The following C15orf39 variants were observed in gnomAD, a reference collection of about 807,000 sequenced individuals.
The protein encoded by C15orf39 is uncharacterized protein C15orf39.
A neutral mutation model predicts 53.9 loss-of-function variants in C15orf39; 24 were observed. The ratio of observed to expected loss-of-function variants is 0.45; its 90% CI spans 0.32 to 0.63. The LOEUF is 0.63. C15orf39 is among the 20% of genes least tolerant of loss of function. C15orf39 has a pLI of 0.04. For missense variants in C15orf39, 1,271 were observed against 1,347.9 expected (o/e 0.94, Z 0.89); for synonymous variants, 569 against 576.5 (o/e 0.99, Z 0.19).
rs118078433 is a variant in C15orf39 at position 75,210,146 on chromosome 15, A to G, written c.2777-603A>G. ...GGTGCTCTGACTGGAGCTTGCAACAATCGGGGGGCCTGGGAAGCAAGTGAT... is the reference window on the plus strand; with the variant it reads ...GGTGCTCTGACTGGAGCTTGCAACAGTCGGGGGGCCTGGGAAGCAAGTGAT... On this transcript the variant is annotated intron_variant, in intron 2 of 2. Transcript: ENST00000394987. 3.9e-4 allele frequency among the ~76,000 whole-genome samples: 59 copies of G among 152,224 alleles called. 2 individuals are homozygous for G. The East Asian group carries it at 7.9e-3, about 20-fold the overall frequency.
intron 1 of C15orf39, among the ~76,000 whole-genome samples, chr15:75,204,148 A>G (rs1358287530): frequency 6.6e-6 from 1 of 152,238 alleles, no homozygotes; most frequent in Non-Finnish European, 1.5e-5. Flanking sequence ...CTTGCTTGCC[A>G]GTCACTGAAA....
In C15orf39 at chr15:75,208,459, C is replaced by T. The variant is rs778936459; in HGVS notation, c.2411C>T (p.Ala804Val). 9.4e-6 allele frequency: 15 copies of T among 1,602,294 alleles called. No individual in the cohort carries two copies. The highest frequency in any genetic ancestry group is 6.7e-5 in the East Asian group (3 of 44,660). Reference sequence around the variant, plus strand: ...ACGGCTGGGCCCTGGGGCCAGGCTGCGTGGCAGGACTGCCAGGGTGTGCAG... The same window carrying T: ...ACGGCTGGGCCCTGGGGCCAGGCTGTGTGGCAGGACTGCCAGGGTGTGCAG... ...LETAGPWGQA[A>V]WQDCQGVQGL... Residue 804 changes from alanine (A) to valine (V), a missense_variant, in exon 2 of 3, where the codon GCG (alanine) becomes GTG (valine). Physicochemically the swap from Ala to Val is moderately conservative, Grantham distance 64. Around this residue, in one of 2 missense-constraint regions of C15orf39, gnomAD observed 277 missense variants for 354.1 expected, o/e 0.78. Transcript: ENST00000394987.
Position 75,206,288 on chromosome 15 carries a change from C to T in C15orf39, c.240C>T (p.Pro80=), listed in dbSNP as rs201549769. The change falls in exon 2 of 3, where the codon CCC becomes CCT. Residue 80 remains proline, a synonymous_variant. Coordinates refer to ENST00000394987, the MANE Select transcript of C15orf39 (RefSeq NM_015492.5). The part of the protein sequence containing the change: ...PPLYSTGMAG[P]PLQADNLLTN... ...TGTACTCTACCGGTATGGCAGGACC[C>T]CCACTTCAGGCAGACAACCTGCTGA... is the stretch of plus-strand genomic sequence containing the variant. 3.8e-5 allele frequency: 62 copies of T among 1,614,062 alleles called. No homozygotes were observed. In the Middle Eastern group the frequency reaches 8.2e-4, roughly 21 times the overall value.
chr15:75,207,077 C>T lies in C15orf39; in HGVS notation c.1029C>T (p.Tyr343=), dbSNP rs2070445288. 3 of 1,611,950 alleles carry T rather than the reference C, an allele frequency of 1.9e-6. No homozygotes were observed. In the East Asian group the frequency reaches 6.7e-5, roughly 36 times the overall value. The change falls in exon 2 of 3, where the codon TAC becomes TAT. Residue 343 remains tyrosine, a synonymous_variant. Transcript: ENST00000394987. ...TTCCCCCACTGGGGCTGGACGCTTA[C>T]CCCTACCCCTCTGCCCCTCTCCCAG... is the stretch of plus-strand genomic sequence containing the variant. The part of the protein sequence containing the change: ...PYIPPLGLDA[Y]PYPSAPLPAP...
In C15orf39 at chr15:75,207,078, C is replaced by G; in HGVS notation, c.1030C>G (p.Pro344Ala). 1 of 1,612,148 alleles carries G rather than the reference C, an allele frequency of 6.2e-7. No individual in the cohort carries two copies. The highest frequency in any genetic ancestry group is 2.2e-5 in the East Asian group (1 of 44,880). Reference sequence around the variant, plus strand: ...TCCCCCACTGGGGCTGGACGCTTACCCCTACCCCTCTGCCCCTCTCCCAGC... The same window carrying G: ...TCCCCCACTGGGGCTGGACGCTTACGCCTACCCCTCTGCCCCTCTCCCAGC... ...YIPPLGLDAY[P>A]YPSAPLPAPS... The change falls in exon 2 of 3, where the codon CCC becomes GCC. Residue 344 changes from proline to alanine, a missense_variant. By Grantham distance (27) the Pro-to-Ala change is conservative (BLOSUM62 -1). This residue lies in a region of C15orf39 where 994 missense variants were observed against 993.7 expected (regional missense o/e 1.00). Transcript: ENST00000394987.
In C15orf39 at chr15:75,202,641, TC is replaced by T. The variant is rs550367767; in HGVS notation, c.-51+585del. 9.9e-5 allele frequency among the ~76,000 whole-genome samples: 15 copies of T among 152,264 alleles called. No individual in the cohort carries two copies. In the South Asian group the frequency reaches 3.1e-3, roughly 32 times the overall value. ...GCCGGGCCGCCCCTGTTCCGGGACC[TC>T]CCGCCGGTCCGCGGGCGTCGGTGTG... is the stretch of plus-strand genomic sequence containing the variant. On this transcript the variant is annotated intron_variant, in intron 1 of 2. Coordinates refer to ENST00000394987, the MANE Select transcript of C15orf39 (RefSeq NM_015492.5).
rs1235093629 is a variant in C15orf39, at chr15:75,211,487, T to C, written c.*371T>C. ...AACGCAACCTACCTCACAGGGTTGT[T>C]GTGGGGATGCTGCCTGATACATACC... On this transcript the variant is annotated 3_prime_UTR_variant, in exon 3 of 3. Coordinates refer to ENST00000394987, the MANE Select transcript of C15orf39 (RefSeq NM_015492.5). The C allele has an allele frequency of 4.7e-6, 1 of 213,072 alleles. No individual in the cohort carries two copies. The highest frequency in any genetic ancestry group is 2.3e-5 in the African/African-American group (1 of 43,604). The allele number at this position is 213,072 out of a possible 1,614,324, so 13.2% of individuals were successfully genotyped here.
In C15orf39 at chr15:75,210,913, G is replaced by A. The variant is rs2070478905; in HGVS notation, c.2941G>A (p.Gly981Arg). The A allele has an allele frequency of 6.2e-7, 1 of 1,613,588 alleles. No individual in the cohort carries two copies. Among genetic ancestry groups the A allele is most frequent in the Non-Finnish European group, 8.5e-7 (1 of 1,179,970 alleles). Residue 981 changes from glycine (G) to arginine (R), a missense_variant, in exon 3 of 3, where the codon GGG becomes AGG. By Grantham distance (125) the Gly-to-Arg change is moderately radical. This residue lies in a region of C15orf39 where 277 missense variants were observed against 354.1 expected (regional missense o/e 0.78). Transcript: ENST00000394987. ...CCCGGAGAAAGCAGAGGCAGCTGCT[G>A]GGGAAGAGTCCTGTGGTGCCTCCCC... The part of the protein sequence containing the change: ...PGPEKAEAAA[G>R]EESCGASPTP...
chr15:75,205,937 C>G, intron 1 of C15orf39, 62 bp from the exon 2 acceptor site: 1 of 1,115,040 alleles, frequency 9.0e-7, no homozygotes, highest in Non-Finnish European at 1.2e-6. Context: ...AGCAGCAGCC[C>G]TCTGTTGCTT....
chr15:75,210,987 C>A lies in C15orf39; in HGVS notation c.3015C>A (p.Arg1005=). The part of the protein sequence containing the change: ...ASPPGPTLKA[R]FRSLLETAWL... Reference sequence around the variant, plus strand: ...CACCTGGCCCCACACTGAAGGCCCGCTTCCGCAGTCTGCTGGAGACCGCCT... The same window carrying A: ...CACCTGGCCCCACACTGAAGGCCCGATTCCGCAGTCTGCTGGAGACCGCCT... Residue 1005 remains arginine, a synonymous_variant, in exon 3 of 3, where the codon CGC becomes CGA. Transcript: ENST00000394987. 1 of 1,613,090 alleles carries A rather than the reference C, an allele frequency of 6.2e-7. No individual in the cohort carries two copies. The highest frequency in any genetic ancestry group is 1.1e-5 in the South Asian group (1 of 91,088).
rs778567359 is a variant in C15orf39, at chr15:75,208,898, G to A, written c.2776+74G>A. The A allele has an allele frequency of 1.4e-5, 21 of 1,516,290 alleles. No homozygotes were observed. The African/African-American group carries it at 1.5e-4, about 11-fold the overall frequency. The allele number at this position is 1,516,290 out of a possible 1,614,324, so 93.9% of individuals were successfully genotyped here. On this transcript the variant is annotated intron_variant, in intron 2 of 2. Coordinates refer to ENST00000394987, the MANE Select transcript of C15orf39 (RefSeq NM_015492.5). ...ACAGGTGTGTGTGCTGTGTGAGTGC[G>A]TCACAGCTGGGGCTGAGTGATTCCA...
chr15:75,202,797 C>G (rs2070413600), intron 1 of C15orf39, among the ~76,000 whole-genome samples: 1 of 152,214 alleles, frequency 6.6e-6, no homozygotes, highest in South Asian at 2.1e-4. Flanking sequence ...GGTTTGCATG[C>G]GTGGCGGCGG....
intron 2 of C15orf39, among the ~76,000 whole-genome samples, chr15:75,210,301 C>T (rs1379038964): frequency 6.6e-6 from 1 of 152,204 alleles, no homozygotes; most frequent in Non-Finnish European, 1.5e-5. Context: ...GGGTGGGTTC[C>T]TGTGCTCCCC....
At chr15:75,204,489 TTTTTTTGTTTTG>T (rs1194999492) in intron 1 of C15orf39, among the ~76,000 whole-genome samples, 4 of 152,240 alleles carry the variant, frequency 2.6e-5, no homozygotes, top group Non-Finnish European at 4.4e-5. Flanking sequence ...TTCTTTTCTT[TTTTTTTGTTTTG>T]TTTTTTGTTT....
rs1270807804 is a variant in C15orf39 at position 75,210,929 on chromosome 15, G to A, written c.2957G>A (p.Gly986Asp). 1 of 1,613,360 alleles carries A rather than the reference G, an allele frequency of 6.2e-7. No homozygotes were observed. The highest frequency in any genetic ancestry group is 1.3e-5 in the African/African-American group (1 of 74,916). Residue 986 changes from glycine to aspartate, a missense_variant, in exon 3 of 3, where the codon GGT becomes GAT. Coordinates refer to ENST00000394987, the MANE Select transcript of C15orf39 (RefSeq NM_015492.5). Reference sequence around the variant, plus strand: ...GCAGCTGCTGGGGAAGAGTCCTGTGGTGCCTCCCCTACCCCTGCTACCAGT... The same window carrying A: ...GCAGCTGCTGGGGAAGAGTCCTGTGATGCCTCCCCTACCCCTGCTACCAGT... ...AEAAAGEESC[G>D]ASPTPATSAS...
chr15:75,206,806 T>A lies in C15orf39; in HGVS notation c.758T>A (p.Leu253Gln), dbSNP rs750322458. 3.3e-5 allele frequency: 53 copies of A among 1,607,398 alleles called. No homozygotes were observed. Among genetic ancestry groups the A allele is most frequent in the Non-Finnish European group, 4.4e-5 (52 of 1,176,988 alleles). Residue 253 changes from leucine (L) to glutamine (Q), a missense_variant, in exon 2 of 3, where the codon CTG becomes CAG. By Grantham distance (113) the Leu-to-Gln change is moderately radical. Transcript: ENST00000394987. ...GGGCCCTCAAGTCCTTGGACCCAGC[T>A]GGCCCAGCCCCTGGGGCCACCCTGT... ...SEGPSSPWTQ[L>Q]AQPLGPPCQD...
Position 75,211,028 on chromosome 15 carries a change from C to G in C15orf39, c.3056C>G (p.Ala1019Gly), listed in dbSNP as rs1248896029. The G allele has an allele frequency of 1.2e-6, 2 of 1,609,538 alleles. No homozygotes were observed. The highest frequency in any genetic ancestry group is 3.3e-5 in the Admixed American group (2 of 60,028). ...GAGACCGCCTGGCTCAATGGCCTGG[C>G]TCTGCCCACCTGGGGCCACAAGTCC... Reference protein sequence around the residue: ...LLETAWLNGLALPTWGHKSSR... With the variant: ...LLETAWLNGLGLPTWGHKSSR... The change falls in exon 3 of 3, where the codon GCT becomes GGT. Residue 1019 changes from alanine to glycine, a missense_variant. By Grantham distance (60) the Ala-to-Gly change is moderately conservative (BLOSUM62 0). This residue lies in a region of C15orf39 where 277 missense variants were observed against 354.1 expected (regional missense o/e 0.78). Coordinates refer to ENST00000394987, the MANE Select transcript of C15orf39 (RefSeq NM_015492.5).
At chr15:75,208,900 C>T (rs776923422) in intron 2 of C15orf39, 76 bp downstream of exon 2, 138 of 1,515,086 alleles carry the variant, frequency 9.1e-5, no homozygotes, top group Admixed American at 2.7e-4. Flanking sequence ...GTGAGTGCGT[C>T]ACAGCTGGGG....
Position 75,208,379 on chromosome 15 carries a change from T to C in C15orf39, c.2331T>C (p.Ala777=). ...GACTACATGCGTCCCTGTGTGATGCTATTTCTGGCTCCGTCGCCCACTCTC... is the reference window on the plus strand; with the variant it reads ...GACTACATGCGTCCCTGTGTGATGCCATTTCTGGCTCCGTCGCCCACTCTC... The part of the protein sequence containing the change: ...FTGLHASLCD[A]ISGSVAHSPP... The change falls in exon 2 of 3, where the codon GCT becomes GCC. Residue 777 remains alanine (A), a synonymous_variant. Transcript: ENST00000394987. 1 of 1,599,264 alleles carries C rather than the reference T, an allele frequency of 6.3e-7. No homozygotes were observed. Among genetic ancestry groups the C allele is most frequent in the Non-Finnish European group, 8.5e-7 (1 of 1,173,274 alleles).
Sources: gnomAD v4.1 joint callset for allele counts (sites outside exome capture counted in the v4.1 genomes callset) on GRCh38, gnomAD v4.1.1 for gene constraint, gnomAD v4.1.1 regional missense constraint, MANE v1.5 for transcripts, NCBI Gene and HGNC (gene_info 2026-07-23, HGNC 2026-07-21) for gene names.